CNGA3: variants seen among roughly 807,000 people sequenced by gnomAD.
CNGA3 encodes cyclic nucleotide gated channel subunit alpha 3.
Under a neutral mutation model 46.6 loss-of-function variants are expected in CNGA3, and 42 were observed. The ratio of observed to expected loss-of-function variants is 0.90; its 90% CI spans 0.70 to 1.17. CNGA3 has a LOEUF of 1.17. CNGA3 is among the 50% of genes most tolerant of loss of function. The pLI is 0.00. For missense variants in CNGA3, 893 were observed against 890.7 expected (o/e 1.00, Z -0.03); for synonymous variants, 394 against 369.4 (o/e 1.07, Z -0.76).
chr2:98,379,029 T>C (rs771816478), intron 3 of CNGA3, among the ~76,000 whole-genome samples: 17 of 152,236 alleles, frequency 1.1e-4, no homozygotes, highest in Non-Finnish European at 2.1e-4. Context: ...TGGCTCTCTG[T>C]GCGTCAGTTG....
chr2:98,363,518 T>C (rs1346039083), intron 1 of CNGA3, among the ~76,000 whole-genome samples: 1 of 152,204 alleles, frequency 6.6e-6, no homozygotes, highest in African/African-American at 2.4e-5. Context: ...GCTTATCAGC[T>C]TAAGAAGCTT....
intron 1 of CNGA3, among the ~76,000 whole-genome samples, chr2:98,359,787 T>C (rs561343271): frequency 1.3e-5 from 2 of 152,178 alleles, no homozygotes; most frequent in Admixed American, 6.5e-5. Flanking sequence ...AGCTGCTCCT[T>C]GGCCATCCTT....
At chr2:98,395,093 C>G (rs1406294999) in intron 7 of CNGA3, among the ~76,000 whole-genome samples, 1 of 152,140 alleles carries the variant, frequency 6.6e-6, no homozygotes, top group Non-Finnish European at 1.5e-5. Flanking sequence ...CTTACTGTGA[C>G]TTGTGTTTCT....
At chr2:98,361,029 T>G (rs1692020488) in intron 1 of CNGA3, among the ~76,000 whole-genome samples, 1 of 141,590 alleles carries the variant, frequency 7.1e-6, no homozygotes, top group South Asian at 2.2e-4. Context: ...TTATTTATTT[T>G]ATTTTATTTT....
intron 1 of CNGA3, among the ~76,000 whole-genome samples, chr2:98,359,328 C>T (rs1199516235): frequency 1.3e-5 from 2 of 152,196 alleles, no homozygotes; most frequent in African/African-American, 4.8e-5. Context: ...AGTAAGGAAG[C>T]CCCCAAGGCA....
In CNGA3 at chr2:98,396,449, C is replaced by T. The variant is rs141386891; in HGVS notation, c.1279C>T (p.Arg427Cys). Residue 427 changes from arginine (R) to cysteine (C), a missense_variant, in exon 8 of 8, where the codon CGC becomes TGC. By Grantham distance (180) the Arg-to-Cys change is radical (BLOSUM62 -3). Around this residue, in one of 3 missense-constraint regions of CNGA3, gnomAD observed 548 missense variants for 570.8 expected, o/e 0.96. Transcript: ENST00000272602. ...TTCCATCAAGCAGTACATGCAGTTC[C>T]GCAAGGTCACCAAGGACTTGGAGAC... ...IDSIKQYMQF[R>C]KVTKDLETRV... 827 of 1,613,950 alleles carry T rather than the reference C, an allele frequency of 5.1e-4. 3 individuals carry two copies. Among genetic ancestry groups the T allele is most frequent in the South Asian group, 1.5e-3 (137 of 91,072 alleles).
chr2:98,397,362 T>C lies in CNGA3; in HGVS notation c.*107T>C. 1 of 1,160,158 alleles carries C rather than the reference T, an allele frequency of 8.6e-7. No individual in the cohort carries two copies. The highest frequency in any genetic ancestry group is 1.3e-6 in the Non-Finnish European group (1 of 790,934). 71.9% of individuals were successfully genotyped at this position (1,160,158 alleles called of 1,614,324 possible). On this transcript the variant is annotated 3_prime_UTR_variant, in exon 8 of 8. Transcript: ENST00000272602. ...GGTCAGGGTTGAATTCCAGCTCTACTCACCCTTTGAAAGCTGTGTGACTGC... is the reference window on the plus strand; with the variant it reads ...GGTCAGGGTTGAATTCCAGCTCTACCCACCCTTTGAAAGCTGTGTGACTGC...
At chr2:98,374,226 C>A (rs1692354539) in intron 2 of CNGA3, among the ~76,000 whole-genome samples, 1 of 152,230 alleles carries the variant, frequency 6.6e-6, no homozygotes, top group South Asian at 2.1e-4. Flanking sequence ...CTTCACCTTA[C>A]CAACGTTAAT....
intron 3 of CNGA3, 148 bp downstream of exon 3, chr2:98,377,948 C>T (rs1692445935): frequency 7.4e-7 from 1 of 1,348,462 alleles, no homozygotes; most frequent in Middle Eastern, 1.9e-4. Flanking sequence ...TGAAAACTAT[C>T]AGTGAGTAAT....
Position 98,396,063 on chromosome 2 carries a change from C to G in CNGA3, c.893C>G (p.Pro298Arg). ...FDRTETRTNY[P>R]NMFRIGNLVL... ...CGCACAGAGACAAGGACCAACTACC[C>G]CAATATGTTCAGGATTGGGAACTTG... Residue 298 changes from proline to arginine, a missense_variant, in exon 8 of 8, where the codon CCC (proline) becomes CGC (arginine). Physicochemically the swap from Pro to Arg is moderately radical, Grantham distance 103. This residue lies in a region of CNGA3 where 548 missense variants were observed against 570.8 expected (regional missense o/e 0.96). Transcript: ENST00000272602. 1.9e-6 allele frequency: 3 copies of G among 1,614,182 alleles called. No homozygotes were observed. The highest frequency in any genetic ancestry group is 2.5e-6 in the Non-Finnish European group (3 of 1,180,026).
At position 98,396,095 on chromosome 2, in the gene CNGA3, T is replaced by C; in HGVS notation, c.925T>C (p.Tyr309His). ...GTTCAGGATTGGGAACTTGGTCTTGTACATTCTCATCATCATCCACTGGAA... is the reference window on the plus strand; with the variant it reads ...GTTCAGGATTGGGAACTTGGTCTTGCACATTCTCATCATCATCCACTGGAA... ...NMFRIGNLVL[Y>H]ILIIIHWNAC... Residue 309 changes from tyrosine to histidine, a missense_variant, in exon 8 of 8, where the codon TAC becomes CAC. By Grantham distance (83) the Tyr-to-His change is moderately conservative. Transcript: ENST00000272602. The C allele has an allele frequency of 5.0e-6, 8 of 1,614,262 alleles. No individual in the cohort carries two copies. The highest frequency in any genetic ancestry group is 6.8e-6 in the Non-Finnish European group (8 of 1,180,048).
chr2:98,353,510 A>G (rs1198090618), intron 1 of CNGA3, among the ~76,000 whole-genome samples: 2 of 152,204 alleles, frequency 1.3e-5, no homozygotes, highest in Non-Finnish European at 2.9e-5. Context: ...GTCATCTCTC[A>G]GTATCTGAGG....
intron 1 of CNGA3, 99 bp downstream of exon 1, chr2:98,346,633 A>G (rs1450013576): frequency 5.1e-6 from 2 of 393,890 alleles, no homozygotes; most frequent in African/African-American, 4.1e-5. Context: ...TTAGAGAACC[A>G]CACGCAGGGG....
chr2:98,363,140 T>C (rs1185689070), intron 1 of CNGA3, among the ~76,000 whole-genome samples: 6 of 152,234 alleles, frequency 3.9e-5, no homozygotes, highest in Non-Finnish European at 8.8e-5. Flanking sequence ...TACAAGCTCT[T>C]TTTGGTTTCC....
intron 1 of CNGA3, among the ~76,000 whole-genome samples, chr2:98,354,260 G>C (rs13391875): frequency 4.5e-4 from 68 of 152,024 alleles, no homozygotes; most frequent in Non-Finnish European, 2.5e-4. Flanking sequence ...TTCAATCTGT[G>C]ATTGGTTGAA....
At chr2:98,374,356 G>A (rs567266222) in intron 2 of CNGA3, among the ~76,000 whole-genome samples, 1 of 152,236 alleles carries the variant, frequency 6.6e-6, no homozygotes, top group Non-Finnish European at 1.5e-5. Context: ...ACATCAGGGG[G>A]GCCTCTTCCT....
chr2:98,364,399 TA>T (rs916962950), intron 1 of CNGA3, among the ~76,000 whole-genome samples: 1 of 151,888 alleles, frequency 6.6e-6, no homozygotes, highest in Non-Finnish European at 1.5e-5. Context: ...AATAAATAAA[TA>T]AATAAAGTCT....
chr2:98,356,941 G>A (rs1438431976), intron 1 of CNGA3, among the ~76,000 whole-genome samples: 1 of 152,168 alleles, frequency 6.6e-6, no homozygotes, highest in Non-Finnish European at 1.5e-5. Flanking sequence ...CACAATCATT[G>A]TGAGGATCAA....
chr2:98,350,673 C>T (rs1424184588), intron 1 of CNGA3: 2 of 152,134 alleles, frequency 1.3e-5, no homozygotes, highest in African/African-American at 4.8e-5. Flanking sequence ...GAGACAAGCC[C>T]CTGCCTCTTG....
Sources: allele counts gnomAD v4.1 joint callset (sites outside exome capture counted in the v4.1 genomes callset), GRCh38; gene constraint gnomAD v4.1.1; regional missense constraint gnomAD v4.1.1; transcripts MANE v1.5; gene names NCBI Gene and HGNC (gene_info 2026-07-23, HGNC 2026-07-21).